Variants in PCNX2 observed in about 807,000 individuals in gnomAD.
The protein encoded by PCNX2 is pecanex 2, also known as pecanex-like protein 2.
A neutral mutation model predicts 223.8 loss-of-function variants in PCNX2; 168 were observed. The observed-to-expected ratio is 0.75, with a 90% CI of 0.66 to 0.85. The LOEUF is 0.85. Ranked by LOEUF, PCNX2 falls within the 40% of genes least tolerant of loss-of-function variation. PCNX2 has a pLI of 0.00. For synonymous variants in PCNX2, 1,006 were observed against 1,052.6 expected (o/e 0.96, Z 0.86); for missense variants, 2,507 against 2,675.5 (o/e 0.94, Z 1.39).
At chr1:233,203,649 C>T (rs1458884899) in intron 13 of PCNX2, among the ~76,000 whole-genome samples, 1 of 152,140 alleles carries the variant, frequency 6.6e-6, no homozygotes, top group African/African-American at 2.4e-5. Context: ...CTCCATCCTT[C>T]CCACCTGCGC....
At chr1:233,041,131 G>A (rs1327882380) in intron 25 of PCNX2, among the ~76,000 whole-genome samples, 1 of 152,016 alleles carries the variant, frequency 6.6e-6, no homozygotes, top group Admixed American at 6.6e-5. Context: ...CACTCACTTG[G>A]TTCAACCCAG....
Position 233,015,700 on chromosome 1 carries a change from T to TA in PCNX2, c.4840-924dup, listed in dbSNP as rs57242335. ...AGAGCAAGACTCTGTCTCAAAAAAA[T>TA]AAAAAAATAAAAAAATATAATAAAT... is the stretch of plus-strand genomic sequence containing the variant. On this transcript the variant is annotated intron_variant, in intron 27 of 33. Transcript: ENST00000258229. Among the ~76,000 whole-genome samples the TA allele has an allele frequency of 9.5e-3, 1,445 of 151,382 alleles. 22 individuals are homozygous for TA. The highest frequency in any genetic ancestry group is 0.033 in the African/African-American group (1,367 of 41,296).
intron 1 of PCNX2, among the ~76,000 whole-genome samples, chr1:233,274,289 G>A (rs1443865307): frequency 2.0e-5 from 3 of 152,132 alleles, no homozygotes; most frequent in Admixed American, 6.5e-5. Context: ...GTTTTTTGCT[G>A]TGAGGGGCTA....
chr1:233,140,166 G>A (rs936620589), intron 19 of PCNX2, among the ~76,000 whole-genome samples: 25 of 152,324 alleles, frequency 1.6e-4, no homozygotes, highest in East Asian at 9.6e-4. Context: ...TCATCTTAGC[G>A]TAGTAAGGGT....
At chr1:233,116,644 G>A (rs1317834801) in intron 21 of PCNX2, among the ~76,000 whole-genome samples, 1 of 152,100 alleles carries the variant, frequency 6.6e-6, no homozygotes, top group Non-Finnish European at 1.5e-5. Flanking sequence ...GTGGAGCACA[G>A]CTAAAGCAGT....
At chr1:233,005,047 C>T (rs1046063744) in intron 28 of PCNX2, among the ~76,000 whole-genome samples, 1 of 152,158 alleles carries the variant, frequency 6.6e-6, no homozygotes, top group Admixed American at 6.5e-5. Flanking sequence ...AGAGTGGAGG[C>T]TTCGAAACAT....
chr1:233,080,624 T>A (rs888320841), intron 23 of PCNX2, among the ~76,000 whole-genome samples: 13 of 151,962 alleles, frequency 8.6e-5, no homozygotes, highest in Admixed American at 8.5e-4. Flanking sequence ...TATCCTCCCA[T>A]GGAGGAAAAA....
Position 233,259,130 on chromosome 1 carries a change from C to A in PCNX2, c.732G>T (p.Glu244Asp). 4.3e-6 allele frequency: 7 copies of A among 1,613,998 alleles called. No homozygotes were observed. Among genetic ancestry groups the A allele is most frequent in the Non-Finnish European group, 5.9e-6 (7 of 1,179,874 alleles). The change falls in exon 5 of 34, where the codon GAG (glutamate) becomes GAT (aspartate). Residue 244 changes from glutamate to aspartate, a missense_variant. Coordinates refer to ENST00000258229, the MANE Select transcript of PCNX2 (RefSeq NM_014801.4). Reference sequence around the variant, plus strand: ...AGGGTCCCTTATCCACTAAGCCACCCTCGGATCTGTGGCGCAAAGGAGGCT... The same window carrying A: ...AGGGTCCCTTATCCACTAAGCCACCATCGGATCTGTGGCGCAAAGGAGGCT... ...KGQPPLRHRSEGGLVDKGPLK... is the reference protein window; with the variant it reads ...KGQPPLRHRSDGGLVDKGPLK...
intron 19 of PCNX2, among the ~76,000 whole-genome samples, chr1:233,144,297 T>A (rs1464147444): frequency 6.6e-6 from 1 of 152,218 alleles, no homozygotes; most frequent in African/African-American, 2.4e-5. Flanking sequence ...TACACTCATT[T>A]TCTCAACAAC....
chr1:232,996,106 C>T (rs1000267266), intron 32 of PCNX2, among the ~76,000 whole-genome samples: 1 of 152,154 alleles, frequency 6.6e-6, no homozygotes, highest in Non-Finnish European at 1.5e-5. Context: ...AAGTGATCCT[C>T]CCACCTCAGC....
intron 27 of PCNX2, 98 bp from the exon 28 acceptor site, chr1:233,014,875 C>T: frequency 3.3e-6 from 3 of 900,736 alleles, no homozygotes; most frequent in Non-Finnish European, 3.5e-6. Context: ...GTAAGTCAGC[C>T]ACGTGGTCAT....
chr1:233,112,997 G>A (rs1571889655), intron 21 of PCNX2: 1 of 1,289,148 alleles, frequency 7.8e-7, no homozygotes, highest in African/African-American at 1.5e-5. Flanking sequence ...AAGTGGATGT[G>A]TTAGGCTGTA....
chr1:233,264,495 C>T (rs1660228961), intron 1 of PCNX2, among the ~76,000 whole-genome samples: 2 of 151,902 alleles, frequency 1.3e-5, no homozygotes, highest in South Asian at 4.2e-4. Flanking sequence ...TGGACTGTCC[C>T]TAAAATGGAA....
chr1:233,295,821 G>C (rs1028836085), upstream of PCNX2: 2 of 257,012 alleles, frequency 7.8e-6, no homozygotes, highest in Middle Eastern at 1.2e-3. This position sits in a 1 kb window ranked among gnomAD's most constrained non-coding sequence, Gnocchi z 4.1. Flanking sequence ...CCTTCGCTGG[G>C]GGCCAGAAGG....
At position 233,000,254 on chromosome 1, in the gene PCNX2, A is replaced by C; in HGVS notation, c.5328+51T>G. 1.3e-6 allele frequency: 2 copies of C among 1,535,948 alleles called. No homozygotes were observed. Among genetic ancestry groups the C allele is most frequent in the South Asian group, 2.2e-5 (2 of 89,108 alleles). ...GCCCACCACCATTCTATTTCTTCTC[A>C]GATAGAGAGACACGAGCCAACAGGG... is the stretch of plus-strand genomic sequence containing the variant. On this transcript the variant is annotated intron_variant, in intron 30 of 33. Transcript: ENST00000258229. The surrounding 1 kb of genome is among the most constrained non-coding windows in gnomAD (Gnocchi z 4.6).
the PCNX2 span, among the ~76,000 whole-genome samples, chr1:233,319,763 G>A: frequency 6.6e-6 from 1 of 152,222 alleles, no homozygotes; most frequent in African/African-American, 2.4e-5. Context: ...AAACCTCAAA[G>A]AGTTTTTGTG....
At chr1:233,130,473 G>GTA (rs1042486679) in intron 21 of PCNX2, among the ~76,000 whole-genome samples, 1 of 142,512 alleles carries the variant, frequency 7.0e-6, no homozygotes, top group African/African-American at 2.6e-5. Flanking sequence ...TTTTGTGTGT[G>GTA]TGTGTGTGTG....
intron 9 of PCNX2, among the ~76,000 whole-genome samples, 197 bp downstream of exon 9, chr1:233,236,648 C>A (rs557978074): frequency 1.3e-5 from 2 of 152,132 alleles, no homozygotes; most frequent in Non-Finnish European, 2.9e-5. Flanking sequence ...TAATATCAAC[C>A]CAAGGTTAGC....
chr1:233,171,111 C>G (rs1376248836), intron 17 of PCNX2, among the ~76,000 whole-genome samples: 2 of 151,872 alleles, frequency 1.3e-5, no homozygotes, highest in African/African-American at 4.8e-5. Flanking sequence ...GTTCATTTCT[C>G]CTCTCGTCTA....
Sources: allele counts gnomAD v4.1 joint callset (sites outside exome capture counted in the v4.1 genomes callset), GRCh38; gene constraint gnomAD v4.1.1; non-coding constraint Gnocchi (gnomAD v3.1); transcripts MANE v1.5; gene names NCBI Gene and HGNC (gene_info 2026-07-23, HGNC 2026-07-21).